Variants in RYR2 observed in about 807,000 individuals in gnomAD.
RYR2 encodes the protein cardiac muscle ryanodine receptor-calcium release channel.
A neutral mutation model predicts 601.1 loss-of-function variants in RYR2; 227 were observed. That is an observed-to-expected ratio of 0.38 (90% CI 0.34 to 0.42). RYR2 has a LOEUF of 0.42. Ranked by LOEUF, RYR2 falls within the 10% of genes least tolerant of loss-of-function variation. The pLI, the probability that RYR2 is intolerant of heterozygous loss-of-function variation, is 1.00. For missense variants in RYR2, 4,646 were observed against 6,156.5 expected, an observed-to-expected ratio of 0.75 and a Z score of 8.21; for synonymous variants, 2,223 against 2,175.1, an observed-to-expected ratio of 1.02 and a Z score of -0.61.
chr1:237,112,182 C>T (rs1431953527), intron 1 of RYR2, among the ~76,000 whole-genome samples: 1 of 152,150 alleles, frequency 6.6e-6, no homozygotes, highest in Non-Finnish European at 1.5e-5. Context: ...GGTGCAATCT[C>T]AACACACTGT....
chr1:237,636,159 A>G (rs1199885747), intron 44 of RYR2, among the ~76,000 whole-genome samples: 2 of 151,472 alleles, frequency 1.3e-5, no homozygotes, highest in South Asian at 4.1e-4. Context: ...TATTTTAAAT[A>G]TATATTAAGA....
chr1:237,483,477 A>G (rs1001106843), intron 17 of RYR2, among the ~76,000 whole-genome samples: 1 of 152,040 alleles, frequency 6.6e-6, no homozygotes, highest in African/African-American at 2.4e-5. Context: ...TTTGCTAAAA[A>G]CCTGCAAGGA....
chr1:237,589,781 T>G lies in RYR2; in HGVS notation c.3599-12T>G. On this transcript the variant is annotated splice_polypyrimidine_tract_variant and intron_variant, in intron 29 of 104. Transcript: ENST00000366574. ...TAATGGTACTAAAACTTGATTTTTT[T>G]TTTCTTCCCAGGATTCATACCTGTG... 1 of 1,613,034 alleles carries G rather than the reference T, an allele frequency of 6.2e-7. No individual in the cohort carries two copies. The highest frequency in any genetic ancestry group is 1.3e-5 in the African/African-American group (1 of 75,000).
intron 1 of RYR2, among the ~76,000 whole-genome samples, chr1:237,261,597 A>T (rs1688530182): frequency 6.6e-6 from 1 of 152,186 alleles, no homozygotes; most frequent in African/African-American, 2.4e-5. Flanking sequence ...GTGTTTTACA[A>T]AGAAATAAAA....
chr1:237,639,045 T>C lies in RYR2; in HGVS notation c.6959T>C (p.Val2320Ala). 5.6e-6 allele frequency: 9 copies of C among 1,613,862 alleles called. No homozygotes were observed. The highest frequency in any genetic ancestry group is 7.6e-6 in the Non-Finnish European group (9 of 1,179,868). ...AGTGTGGAGGAAAATGCAAATGTCG[T>C]GGTGAGATTGCTCATTCGGAGGCCT... The part of the protein sequence containing the change: ...GESVEENANV[V>A]VRLLIRRPEC... The change falls in exon 46 of 105, where the codon GTG (valine) becomes GCG (alanine). Residue 2320 changes from valine (V) to alanine (A), a missense_variant. Val to Ala is a moderately conservative substitution (Grantham distance 64, BLOSUM62 0). Coordinates refer to ENST00000366574, the MANE Select transcript of RYR2 (RefSeq NM_001035.3).
intron 67 of RYR2, among the ~76,000 whole-genome samples, chr1:237,705,714 G>A (rs1688313592): frequency 6.6e-6 from 1 of 152,158 alleles, no homozygotes; most frequent in African/African-American, 2.4e-5. Flanking sequence ...ACTGGATAAT[G>A]TCCCCACCAA....
At chr1:237,728,404 A>G (rs1200524885) in intron 76 of RYR2, among the ~76,000 whole-genome samples, 1 of 152,092 alleles carries the variant, frequency 6.6e-6, no homozygotes, top group Non-Finnish European at 1.5e-5. Context: ...AACCAGAAAT[A>G]CCATTTAACC....
chr1:237,234,047 G>T (rs888789706), intron 1 of RYR2, among the ~76,000 whole-genome samples: 1 of 151,958 alleles, frequency 6.6e-6, no homozygotes, highest in Admixed American at 6.6e-5. Flanking sequence ...TAAGATATTG[G>T]GTCTACTGGT....
chr1:237,675,057 T>G (rs894006171), intron 60 of RYR2, among the ~76,000 whole-genome samples: 3 of 152,138 alleles, frequency 2.0e-5, no homozygotes, highest in African/African-American at 7.2e-5. Flanking sequence ...ATCTAACATA[T>G]AAGTTATTCC....
At chr1:237,457,547 C>A (rs1278018815) in intron 16 of RYR2, among the ~76,000 whole-genome samples, 1 of 152,146 alleles carries the variant, frequency 6.6e-6, no homozygotes, top group Non-Finnish European at 1.5e-5. Context: ...TCTCTGAGCC[C>A]CAGTTCTCAA....
At chr1:237,786,741 TGGGG>T (rs1657631682) in intron 91 of RYR2, among the ~76,000 whole-genome samples, 1 of 152,230 alleles carries the variant, frequency 6.6e-6, no homozygotes, top group Non-Finnish European at 1.5e-5. Context: ...TTTGAAAAGT[TGGGG>T]GAAGAAAGAA....
chr1:237,502,137 A>T (rs1664705072), intron 21 of RYR2, among the ~76,000 whole-genome samples: 1 of 152,194 alleles, frequency 6.6e-6, no homozygotes. Flanking sequence ...CTGCCTGAAC[A>T]ACAGAGTGAG....
intron 17 of RYR2, among the ~76,000 whole-genome samples, chr1:237,480,610 G>A (rs1357837366): frequency 6.6e-6 from 1 of 151,964 alleles, no homozygotes; most frequent in East Asian, 1.9e-4. Flanking sequence ...ATAAATCATG[G>A]TTCCTTAAAC....
chr1:237,803,542 C>T (rs908323058), intron 98 of RYR2, among the ~76,000 whole-genome samples: 4 of 152,140 alleles, frequency 2.6e-5, no homozygotes, highest in Middle Eastern at 3.4e-3. Context: ...CCTCGTGAAC[C>T]GACCGCCTTG....
At chr1:237,526,809 A>T (rs371029594) in intron 24 of RYR2, among the ~76,000 whole-genome samples, 196 of 152,072 alleles carry the variant, frequency 1.3e-3, no homozygotes, top group Non-Finnish European at 2.3e-3. Context: ...TGCTGTGCAG[A>T]TGCTTTTTAG....
At chr1:237,831,072 A>G (rs1357581218) in intron 103 of RYR2, among the ~76,000 whole-genome samples, 1 of 152,148 alleles carries the variant, frequency 6.6e-6, no homozygotes, top group Admixed American at 6.5e-5. Context: ...TCTTTCCATT[A>G]CTCGAGATTA....
chr1:237,452,008 GTGTT>G (rs1658196021), intron 14 of RYR2, among the ~76,000 whole-genome samples: 1 of 149,520 alleles, frequency 6.7e-6, no homozygotes, highest in African/African-American at 2.5e-5. Context: ...GTTTGTGTGT[GTGTT>G]TGTGTTGTCT....
At chr1:237,761,650 A>G (rs1693445631) in intron 84 of RYR2, among the ~76,000 whole-genome samples, 2 of 152,236 alleles carry the variant, frequency 1.3e-5, no homozygotes, top group Admixed American at 1.3e-4. Context: ...TAGAAAGTTT[A>G]GCATACAATG....
chr1:237,116,118 G>A (rs919331704), intron 1 of RYR2, among the ~76,000 whole-genome samples: 4 of 152,132 alleles, frequency 2.6e-5, no homozygotes, highest in African/African-American at 9.7e-5. Context: ...GAGTGGCTTT[G>A]CGAGCCTTCT....
Sources: allele counts gnomAD v4.1 joint callset (sites outside exome capture counted in the v4.1 genomes callset), GRCh38; gene constraint gnomAD v4.1.1; transcripts MANE v1.5; gene names NCBI Gene and HGNC (gene_info 2026-07-23, HGNC 2026-07-21).